Variants in TRAPPC12 observed in about 807,000 individuals in gnomAD.
TRAPPC12 encodes the protein trafficking protein particle complex subunit 12.
TRAPPC12 carries 61 observed loss-of-function variants against 69.2 expected under a neutral mutation model. The observed-to-expected ratio is 0.88, with a 90% CI of 0.72 to 1.09. The LOEUF (loss-of-function observed/expected upper bound fraction) is 1.09. Ranked by LOEUF, TRAPPC12 falls within the 50% of genes least tolerant of loss-of-function variation. The probability of loss-of-function intolerance (pLI) is 0.00; values close to 1 mark genes in which losing one functional copy is unlikely to be tolerated. For synonymous variants in TRAPPC12, 469 were observed against 438.9 expected (o/e 1.07, Z -0.86); for missense variants, 1,101 against 1,016.4 (o/e 1.08, Z -1.13).
At chr2:3,422,055 C>A in intron 4 of TRAPPC12, 61 bp downstream of exon 4, 3 of 1,316,914 alleles carry the variant, frequency 2.3e-6, no homozygotes, top group Non-Finnish European at 3.2e-6. Flanking sequence ...GGGACATGGA[C>A]AGGACCATGG....
intron 3 of TRAPPC12, among the ~76,000 whole-genome samples, chr2:3,408,797 T>G (rs1219559907): frequency 6.6e-6 from 1 of 152,200 alleles, no homozygotes; most frequent in Non-Finnish European, 1.5e-5. Context: ...AGCCAAAAAT[T>G]CTATTAAAAA....
intron 5 of TRAPPC12, among the ~76,000 whole-genome samples, chr2:3,439,536 T>C (rs1329790637): frequency 6.6e-6 from 1 of 151,892 alleles, no homozygotes; most frequent in East Asian, 2.0e-4. Context: ...TCAGCCACCA[T>C]ACCTGGCCTG....
At chr2:3,388,874 A>G in intron 2 of TRAPPC12, 1 of 510,936 alleles carries the variant, frequency 2.0e-6, no homozygotes, top group Non-Finnish European at 3.4e-6. Context: ...ATGGACTGCT[A>G]CTCAGAGAGG....
intron 5 of TRAPPC12, among the ~76,000 whole-genome samples, chr2:3,428,680 C>T (rs1326158203): frequency 6.6e-6 from 1 of 152,198 alleles, no homozygotes; most frequent in Non-Finnish European, 1.5e-5. Context: ...CTTTCAGCCA[C>T]CCCCAAAGCC....
At chr2:3,459,938 G>T (rs2103138996) in intron 7 of TRAPPC12, 5 of 416,794 alleles carry the variant, frequency 1.2e-5, no homozygotes, top group Non-Finnish European at 2.2e-5. Context: ...TGTCAGCTTT[G>T]CTCCTTTTCT....
At chr2:3,420,132 G>A (rs188632729) in intron 3 of TRAPPC12, among the ~76,000 whole-genome samples, 4 of 152,144 alleles carry the variant, frequency 2.6e-5, no homozygotes, top group Non-Finnish European at 5.9e-5. Context: ...GGGGTCCTTC[G>A]ATAGGTCAGT....
chr2:3,475,231 ACAGT>A (rs1283345507), intron 9 of TRAPPC12, among the ~76,000 whole-genome samples: 1 of 152,112 alleles, frequency 6.6e-6, no homozygotes, highest in African/African-American at 2.4e-5. Flanking sequence ...GCTGGGGACC[ACAGT>A]GCTTACGGCC....
chr2:3,420,995 T>C (rs1300083805), intron 3 of TRAPPC12, among the ~76,000 whole-genome samples: 1 of 152,216 alleles, frequency 6.6e-6, no homozygotes, highest in African/African-American at 2.4e-5. Context: ...CACTAATGAG[T>C]GCTCGTTCAC....
chr2:3,476,788 G>A (rs972453238), intron 9 of TRAPPC12, among the ~76,000 whole-genome samples: 1 of 152,098 alleles, frequency 6.6e-6, no homozygotes, highest in Non-Finnish European at 1.5e-5. Context: ...GAGGTGAGCC[G>A]CGCGCATTCA....
In TRAPPC12 at chr2:3,465,957, A is replaced by G. The variant is rs1297699200; in HGVS notation, c.1776+262A>G. ...CAGCCACACTGAAATGAGTTACTCT[A>G]GACATTGTCCTGCTGCAGTTACGAA... On this transcript the variant is annotated intron_variant, in intron 9 of 11. Coordinates refer to ENST00000324266, the MANE Select transcript of TRAPPC12 (RefSeq NM_016030.6). The G allele has an allele frequency of 1.8e-5, 10 of 546,856 alleles. No homozygotes were observed. In the East Asian group the frequency reaches 2.5e-4, roughly 14 times the overall value. 33.9% of individuals were successfully genotyped at this position (546,856 alleles called of 1,614,324 possible).
intron 3 of TRAPPC12, among the ~76,000 whole-genome samples, chr2:3,409,539 A>G (rs1283979470): frequency 6.6e-6 from 1 of 152,068 alleles, no homozygotes; most frequent in Admixed American, 6.6e-5. Context: ...AGTTGAGTCT[A>G]GGAGTTCAAG....
intron 6 of TRAPPC12, among the ~76,000 whole-genome samples, chr2:3,453,822 G>A (rs945998327): frequency 6.6e-6 from 1 of 152,164 alleles, no homozygotes; most frequent in South Asian, 2.1e-4. Flanking sequence ...GATTGAGAAC[G>A]TGTCTGTCAC....
At chr2:3,457,579 T>C in intron 6 of TRAPPC12, 42 bp from the exon 7 acceptor site, 1 of 1,554,290 alleles carries the variant, frequency 6.4e-7, no homozygotes, top group Admixed American at 1.7e-5. Context: ...AGACAAAAAT[T>C]GGTTCCCATG....
intron 9 of TRAPPC12, among the ~76,000 whole-genome samples, chr2:3,471,312 T>C (rs1666049181): frequency 1.3e-5 from 2 of 152,168 alleles, no homozygotes; most frequent in African/African-American, 2.4e-5. Context: ...AATTACAGAA[T>C]TGTACTTGGG....
intron 9 of TRAPPC12, among the ~76,000 whole-genome samples, chr2:3,470,616 G>T (rs1036729452): frequency 6.6e-6 from 1 of 152,212 alleles, no homozygotes; most frequent in Admixed American, 6.5e-5. Context: ...AAAAGAGTGG[G>T]CCGAACACCT....
At chr2:3,401,180 G>A (rs1189853912) in intron 2 of TRAPPC12, among the ~76,000 whole-genome samples, 1 of 152,230 alleles carries the variant, frequency 6.6e-6, no homozygotes, top group Non-Finnish European at 1.5e-5. Flanking sequence ...GCTGTGAAAG[G>A]GGGTCTCAGT....
intron 5 of TRAPPC12, among the ~76,000 whole-genome samples, chr2:3,428,979 G>A (rs1343594877): frequency 1.3e-5 from 2 of 152,114 alleles, no homozygotes; most frequent in African/African-American, 4.8e-5. Context: ...TCCCCTCTCA[G>A]ACCCTACATC....
chr2:3,431,193 G>C (rs1452029505), intron 5 of TRAPPC12, among the ~76,000 whole-genome samples: 1 of 152,224 alleles, frequency 6.6e-6, no homozygotes, highest in Non-Finnish European at 1.5e-5. Context: ...TGCCCTCGCC[G>C]TCTTCCATCG....
intron 2 of TRAPPC12, chr2:3,389,768 G>A: frequency 2.1e-6 from 1 of 466,176 alleles, no homozygotes; most frequent in South Asian, 1.6e-5. Context: ...AGATTATGCC[G>A]ACAACCAGAG....
Sources: gnomAD v4.1 joint callset for allele counts (sites outside exome capture counted in the v4.1 genomes callset) on GRCh38, gnomAD v4.1.1 for gene constraint, MANE v1.5 for transcripts, NCBI Gene and HGNC (gene_info 2026-07-23, HGNC 2026-07-21) for gene names.